Variants in STK4 observed in about 807,000 individuals in gnomAD.
STK4 encodes the protein serine/threonine kinase 4, also known as serine/threonine-protein kinase 4.
In STK4, 30 loss-of-function variants were observed where a neutral mutation model predicts 64.9. The ratio of observed to expected loss-of-function variants is 0.46; its 90% CI spans 0.35 to 0.63. The LOEUF is 0.63. STK4 is among the 20% of genes least tolerant of loss of function. The pLI, the probability that STK4 is intolerant of heterozygous loss-of-function variation, is 0.01. For synonymous variants in STK4, 177 were observed against 199.0 expected (o/e 0.89, Z 0.93); for missense variants, 466 against 598.5 (o/e 0.78, Z 2.31).
rs950205348 is a variant in STK4 at position 44,972,168 on chromosome 20, A to G, written c.116+10A>G. On this transcript the variant is annotated intron_variant, in intron 2 of 10. Transcript: ENST00000372806. ...AGAAACTTGGAGAAGGGTGAGTGTA[A>G]AGAAACTATAGGTAGGTCATTGGGT... 1 of 1,611,820 alleles carries G rather than the reference A, an allele frequency of 6.2e-7. No individual in the cohort carries two copies. Among genetic ancestry groups the G allele is most frequent in the Admixed American group, 1.7e-5 (1 of 59,770 alleles).
Position 45,036,339 on chromosome 20 carries a change from G to A in STK4, c.1305+11209G>A, listed in dbSNP as rs559357708. Among the ~76,000 whole-genome samples the A allele has an allele frequency of 4.6e-5, 7 of 152,198 alleles. No homozygotes were observed. The South Asian group carries it at 6.2e-4, about 14-fold the overall frequency. On this transcript the variant is annotated intron_variant, in intron 10 of 10. Transcript: ENST00000372806. ...ACATGATGCAATCTTGTGCCATGGC[G>A]CATCATCCCGCCTGGGACATGAATC... is the stretch of plus-strand genomic sequence containing the variant.
rs769939472 is a variant in STK4, at chr20:45,001,354, G to C, written c.1147+1G>C. ...GAGGAAGAGGAAGGAACTATGAAAAGTAAGGCTCTGAGTAAATTCACTGAC... is the reference window on the plus strand; with the variant it reads ...GAGGAAGAGGAAGGAACTATGAAAACTAAGGCTCTGAGTAAATTCACTGAC... On this transcript the variant is annotated splice_donor_variant, in intron 9 of 10. Coordinates refer to ENST00000372806, the MANE Select transcript of STK4 (RefSeq NM_006282.5). LOFTEE classifies it high-confidence loss of function. The C allele has an allele frequency of 6.2e-7, 1 of 1,605,224 alleles. No homozygotes were observed. Among genetic ancestry groups the C allele is most frequent in the Non-Finnish European group, 8.5e-7 (1 of 1,172,754 alleles).
chr20:44,975,771 G>T (rs2067329284), intron 2 of STK4: 1 of 152,160 alleles, frequency 6.6e-6, no homozygotes, highest in Non-Finnish European at 1.5e-5. Flanking sequence ...TTTAAGTATG[G>T]TATCTTGAAG....
intron 10 of STK4, among the ~76,000 whole-genome samples, chr20:45,073,511 A>G (rs887956423): frequency 2.0e-5 from 3 of 152,122 alleles, no homozygotes; most frequent in Admixed American, 1.3e-4. Context: ...CCCAGCTCCT[A>G]TACTACTTTC....
At chr20:45,041,657 G>A (rs899396493) in intron 10 of STK4, among the ~76,000 whole-genome samples, 15 of 151,104 alleles carry the variant, frequency 9.9e-5, no homozygotes, top group Non-Finnish European at 1.6e-4. Context: ...GTTTTGAGAA[G>A]CAAGTTACAT....
chr20:44,995,316 G>A, intron 6 of STK4, 59 bp downstream of exon 6: 1 of 1,545,788 alleles, frequency 6.5e-7, no homozygotes, highest in South Asian at 1.3e-5. Flanking sequence ...ATTAAAAAGT[G>A]AAGTTCAAGC....
At chr20:44,984,179 T>C (rs1014448335) in intron 4 of STK4, among the ~76,000 whole-genome samples, 1 of 138,016 alleles carries the variant, frequency 7.2e-6, no homozygotes, top group African/African-American at 2.7e-5. Flanking sequence ...TTTTTGTTGT[T>C]GTCGTTGTTT....
At chr20:45,020,780 A>G (rs1190263056) in intron 9 of STK4, among the ~76,000 whole-genome samples, 1 of 151,428 alleles carries the variant, frequency 6.6e-6, no homozygotes, top group African/African-American at 2.4e-5. Flanking sequence ...AGCAGGCTCA[A>G]TCAGGTTTAT....
At chr20:45,044,346 GC>G (rs1334229690) in intron 10 of STK4, among the ~76,000 whole-genome samples, 1 of 152,144 alleles carries the variant, frequency 6.6e-6, no homozygotes, top group African/African-American at 2.4e-5. Flanking sequence ...ATTGAACCAG[GC>G]CGGGTGAATG....
chr20:45,025,444 T>C (rs1344084296), intron 10 of STK4, among the ~76,000 whole-genome samples: 2 of 152,238 alleles, frequency 1.3e-5, no homozygotes, highest in Non-Finnish European at 2.9e-5. Context: ...GGGGTTTTGA[T>C]TTTATATTTA....
At chr20:44,974,775 A>G (rs1404497233) in intron 2 of STK4, 1 of 152,128 alleles carries the variant, frequency 6.6e-6, no homozygotes, top group African/African-American at 2.4e-5. Flanking sequence ...GGCCAATGCT[A>G]TTCTTAAATT....
At chr20:45,044,238 C>A (rs1410166909) in intron 10 of STK4, among the ~76,000 whole-genome samples, 1 of 152,118 alleles carries the variant, frequency 6.6e-6, no homozygotes, top group African/African-American at 2.4e-5. Flanking sequence ...ACACTTCTAC[C>A]AATAGATGCC....
intron 4 of STK4, among the ~76,000 whole-genome samples, chr20:44,984,630 T>C (rs144323930): frequency 8.7e-4 from 132 of 152,360 alleles, no homozygotes; most frequent in African/African-American, 3.0e-3. Flanking sequence ...AACTGAGATA[T>C]GCTGTAAATA....
rs777926811 is a variant in STK4, at chr20:45,025,125, G to A, written c.1300G>A (p.Glu434Lys). ...DWKIPQDGDY[E>K]FLKSWTVEDL... is the part of the protein sequence containing the mutation. ...GAAAATACCACAGGATGGAGACTAC[G>A]AGTTTGTAAGTAGTGTTGGAAGTAA... The change falls in exon 10 of 11, where the codon GAG becomes AAG. Residue 434 changes from glutamate (E) to lysine (K), a missense_variant. By Grantham distance (56) the Glu-to-Lys change is moderately conservative (BLOSUM62 1). Transcript: ENST00000372806. 15 of 1,608,426 alleles carry A rather than the reference G, an allele frequency of 9.3e-6. No homozygotes were observed. In the Admixed American group the frequency reaches 1.5e-4, roughly 16 times the overall value.
chr20:44,994,765 A>G (rs2067695987), intron 5 of STK4, among the ~76,000 whole-genome samples: 1 of 152,100 alleles, frequency 6.6e-6, no homozygotes, highest in African/African-American at 2.4e-5. Context: ...GTAACATTTT[A>G]TTTCGGTGCC....
At chr20:45,049,498 T>C (rs2068745793) in intron 10 of STK4, among the ~76,000 whole-genome samples, 2 of 152,190 alleles carry the variant, frequency 1.3e-5, no homozygotes, top group Admixed American at 1.3e-4. Context: ...ACTGCAATTA[T>C]AAACTACAAC....
rs1317039837 is a variant in STK4, at chr20:45,075,727, C to A, written c.*551C>A. On this transcript the variant is annotated 3_prime_UTR_variant, in exon 11 of 11. Coordinates refer to ENST00000372806, the MANE Select transcript of STK4 (RefSeq NM_006282.5). ...TCCCAGGAGCCAACCTCCCCCTTTGCAGGGCTGCATTTAAAAATTAGGTTT... is the reference window on the plus strand; with the variant it reads ...TCCCAGGAGCCAACCTCCCCCTTTGAAGGGCTGCATTTAAAAATTAGGTTT... 1.3e-5 allele frequency: 2 copies of A among 152,786 alleles called. No individual in the cohort carries two copies. The highest frequency in any genetic ancestry group is 2.9e-5 in the Non-Finnish European group (2 of 68,220). The allele number at this position is 152,786 out of a possible 1,614,324, so 9.5% of individuals were successfully genotyped here.
chr20:45,008,055 G>A (rs374054840), intron 9 of STK4, among the ~76,000 whole-genome samples: 118 of 152,260 alleles, frequency 7.7e-4, no homozygotes, highest in African/African-American at 2.6e-3. Context: ...TTGCTGCAAA[G>A]GACATAATTG....
At chr20:45,044,431 A>G (rs910590073) in intron 10 of STK4, among the ~76,000 whole-genome samples, 1 of 152,154 alleles carries the variant, frequency 6.6e-6, no homozygotes, top group Non-Finnish European at 1.5e-5. Context: ...GGATCGCTTG[A>G]GCCCAGGAGT....
Sources: allele counts gnomAD v4.1 joint callset (sites outside exome capture counted in the v4.1 genomes callset), GRCh38; gene constraint gnomAD v4.1.1; transcripts MANE v1.5; gene names NCBI Gene and HGNC (gene_info 2026-07-23, HGNC 2026-07-21).